The following SLC1A1 variants were observed in gnomAD, a reference collection of about 807,000 sequenced individuals.
The protein encoded by SLC1A1 is excitatory amino acid transporter 3.
A neutral mutation model predicts 53.3 loss-of-function variants in SLC1A1; 43 were observed. The ratio of observed to expected loss-of-function variants is 0.81; its 90% confidence interval spans 0.63 to 1.04. The LOEUF is 1.04. Among genes scored for constraint, SLC1A1 ranks in the 50% least tolerant of loss-of-function variants. The pLI is 0.00. For synonymous variants in SLC1A1, 307 were observed against 243.2 expected (o/e 1.26, Z -2.44); for missense variants, 748 against 664.9 (o/e 1.12, Z -1.37).
chr9:4,512,512 A>G (rs1354844414), intron 1 of SLC1A1, among the ~76,000 whole-genome samples: 1 of 152,178 alleles, frequency 6.6e-6, no homozygotes, highest in African/African-American at 2.4e-5. Flanking sequence ...TGTCTCCAAA[A>G]AAAACAAACA....
chr9:4,570,054 C>T (rs759817737), intron 6 of SLC1A1, among the ~76,000 whole-genome samples: 6 of 152,176 alleles, frequency 3.9e-5, no homozygotes, highest in Non-Finnish European at 7.3e-5. Flanking sequence ...AGTGCATGAT[C>T]GTTTTTGCCT....
intron 1 of SLC1A1, among the ~76,000 whole-genome samples, chr9:4,500,163 C>T (rs1053114411): frequency 6.6e-6 from 1 of 152,152 alleles, no homozygotes; most frequent in Non-Finnish European, 1.5e-5. Context: ...TTTCCCGTGT[C>T]GCTGGAGATT....
intron 1 of SLC1A1, among the ~76,000 whole-genome samples, chr9:4,534,915 A>G (rs1421650901): frequency 1.3e-5 from 2 of 152,220 alleles, no homozygotes; most frequent in Non-Finnish European, 2.9e-5. Flanking sequence ...ATGCAAATCA[A>G]TAAACATAAT....
At chr9:4,585,051 C>A (rs887882350) in intron 11 of SLC1A1, among the ~76,000 whole-genome samples, 2 of 152,092 alleles carry the variant, frequency 1.3e-5, no homozygotes, top group African/African-American at 2.4e-5. Flanking sequence ...ATATCTGGAA[C>A]GACTCTATTC....
At chr9:4,566,162 G>A (rs1305148725) in intron 5 of SLC1A1, 73 bp downstream of exon 5, 1 of 1,332,714 alleles carries the variant, frequency 7.5e-7, no homozygotes, top group South Asian at 1.2e-5. Flanking sequence ...TTTTTCTGCT[G>A]TGACTCAAGA....
chr9:4,501,086 A>G (rs1467943923), intron 1 of SLC1A1, among the ~76,000 whole-genome samples: 2 of 152,198 alleles, frequency 1.3e-5, no homozygotes, highest in African/African-American at 4.8e-5. Context: ...TCTTAGTCTC[A>G]GAGTCCCTAA....
In SLC1A1 at chr9:4,556,875, G is replaced by C. The variant is rs1818446801; in HGVS notation, c.233-4574G>C. On this transcript the variant is annotated intron_variant, in intron 2 of 11. Coordinates refer to ENST00000262352, the MANE Select transcript of SLC1A1 (RefSeq NM_004170.6). This position sits in a 1 kb window ranked among gnomAD's most constrained non-coding sequence, Gnocchi z 4.1. ...TACAGTTTGCGGTTTTAGAATTTCA[G>C]AGGGGTGGTGATTAGGAAAACGGCT... is the stretch of plus-strand genomic sequence containing the variant. 6.6e-6 allele frequency among the ~76,000 whole-genome samples: 1 copy of C among 152,164 alleles called. No individual in the cohort carries two copies. The highest frequency in any genetic ancestry group is 2.1e-4 in the South Asian group (1 of 4,826).
At chr9:4,571,747 A>C in intron 6 of SLC1A1, among the ~76,000 whole-genome samples, 1 of 152,192 alleles carries the variant, frequency 6.6e-6, no homozygotes, top group East Asian at 1.9e-4. Context: ...AAAGAGTGTT[A>C]CTGTGCTTCA....
At chr9:4,534,731 A>G (rs1468974177) in intron 1 of SLC1A1, among the ~76,000 whole-genome samples, 2 of 152,058 alleles carry the variant, frequency 1.3e-5, no homozygotes, top group Non-Finnish European at 2.9e-5. Context: ...TCCTGCTACC[A>G]AAGCCTGGCA....
chr9:4,541,931 C>G (rs909713043), intron 1 of SLC1A1, among the ~76,000 whole-genome samples: 4 of 152,156 alleles, frequency 2.6e-5, no homozygotes, highest in African/African-American at 7.2e-5. Context: ...CTATGAGACT[C>G]TGACCTCTTC....
chr9:4,545,415 G>A (rs919714911), intron 2 of SLC1A1, among the ~76,000 whole-genome samples: 1 of 152,006 alleles, frequency 6.6e-6, no homozygotes, highest in Non-Finnish European at 1.5e-5. Context: ...CTGGGGCATG[G>A]GAAAAAAAAG....
intron 2 of SLC1A1, 145 bp from the exon 3 acceptor site, chr9:4,561,304 G>C: frequency 1.4e-6 from 1 of 718,040 alleles, no homozygotes; most frequent in Non-Finnish European, 2.5e-6. Flanking sequence ...TTGAAGTGTT[G>C]CTTTTGCCCA....
At chr9:4,543,604 CATAATT>C (rs1454396729) in intron 1 of SLC1A1, among the ~76,000 whole-genome samples, 4 of 152,144 alleles carry the variant, frequency 2.6e-5, no homozygotes, top group African/African-American at 4.8e-5. Context: ...CCTACACTCA[CATAATT>C]ATAAGACTTC....
chr9:4,496,609 A>G (rs761388733), intron 1 of SLC1A1, among the ~76,000 whole-genome samples: 103 of 151,954 alleles, frequency 6.8e-4, no homozygotes, highest in Non-Finnish European at 2.5e-4. Flanking sequence ...AAAAATAAAA[A>G]TGCAGCTGAG....
Position 4,546,786 on chromosome 9 carries a change from T to C in SLC1A1, c.232+2079T>C, listed in dbSNP as rs568394593. On this transcript the variant is annotated intron_variant, in intron 2 of 11. Transcript: ENST00000262352. ...TGCTGGGATTATGGGCATGAGCCAC[T>C]GCATCCAGCCCAAGATTCCTAATTT... Among the ~76,000 whole-genome samples, 6 of 152,378 alleles carry C rather than the reference T, an allele frequency of 3.9e-5. No individual in the cohort carries two copies. In the East Asian group the frequency reaches 1.2e-3, roughly 29 times the overall value.
At chr9:4,564,495 C>T (rs767097227) in intron 4 of SLC1A1, 37 bp downstream of exon 4, 39 of 1,192,690 alleles carry the variant, frequency 3.3e-5, no homozygotes, top group East Asian at 1.4e-4. Flanking sequence ...CAAGGGCATG[C>T]GGATAGCAGC....
intron 1 of SLC1A1, among the ~76,000 whole-genome samples, chr9:4,499,506 C>T (rs1251841565): frequency 6.6e-6 from 1 of 152,164 alleles, no homozygotes. Context: ...AAATCAGAAT[C>T]AGATTTGAAG....
At chr9:4,514,554 G>A (rs982683745) in intron 1 of SLC1A1, among the ~76,000 whole-genome samples, 1 of 152,112 alleles carries the variant, frequency 6.6e-6, no homozygotes, top group Admixed American at 6.5e-5. Context: ...TCACTGAAAT[G>A]GTAATCAGAT....
At chr9:4,492,360 T>C (rs759826176) in intron 1 of SLC1A1, among the ~76,000 whole-genome samples, 3 of 150,876 alleles carry the variant, frequency 2.0e-5, no homozygotes, top group Non-Finnish European at 4.4e-5. Context: ...CTCATGCCTA[T>C]AACCCCAGTT....
Sources: allele counts gnomAD v4.1 joint callset (sites outside exome capture counted in the v4.1 genomes callset), GRCh38; gene constraint gnomAD v4.1.1; non-coding constraint Gnocchi (gnomAD v3.1); transcripts MANE v1.5; gene names NCBI Gene and HGNC (gene_info 2026-07-23, HGNC 2026-07-21).